PHF3: variants seen among roughly 807,000 people sequenced by gnomAD.
PHF3 encodes the protein PHD finger protein 3.
A neutral mutation model predicts 178.4 loss-of-function variants in PHF3; 41 were observed. The ratio of observed to expected loss-of-function variants is 0.23; its 90% CI spans 0.18 to 0.30. The LOEUF (loss-of-function observed/expected upper bound fraction) is 0.30. PHF3 is among the 10% of genes least tolerant of loss of function. PHF3 has a pLI of 1.00. For synonymous variants in PHF3, 842 were observed against 800.5 expected (o/e 1.05, Z -0.88); for missense variants, 2,346 against 2,398.1 (o/e 0.98, Z 0.45).
intron 2 of PHF3, among the ~76,000 whole-genome samples, chr6:63,669,450 A>G (rs1323506292): frequency 6.6e-6 from 1 of 152,218 alleles, no homozygotes; most frequent in Non-Finnish European, 1.5e-5. Context: ...TCTTTTTATA[A>G]TACCGTCTTA....
chr6:63,725,180 G>T lies in PHF3; in HGVS notation c.*11472G>T, dbSNP rs1768565351. 6.6e-6 allele frequency among the ~76,000 whole-genome samples: 1 copy of T among 152,064 alleles called. No homozygotes were observed. ...GCAGCATCAATCGTGTGAAACTAAT[G>T]AATCTCTGTAAGTAGTGTCTGATGG... On this transcript the variant is annotated 3_prime_UTR_variant, in exon 16 of 16. Coordinates refer to ENST00000262043, the MANE Select transcript of PHF3 (RefSeq NM_001370348.2).
intron 10 of PHF3, among the ~76,000 whole-genome samples, chr6:63,703,282 A>G (rs1767552957): frequency 6.6e-6 from 1 of 152,212 alleles, no homozygotes; most frequent in South Asian, 2.1e-4. Flanking sequence ...AAGTCAGTGA[A>G]GAAATAATTT....
chr6:63,720,467 T>C lies in PHF3; in HGVS notation c.*6759T>C. ...ACATTTTACAATCTTATCAAAAAGATATGTTAGCATTTAGACTATTTCAGG... is the reference window on the plus strand; with the variant it reads ...ACATTTTACAATCTTATCAAAAAGACATGTTAGCATTTAGACTATTTCAGG... On this transcript the variant is annotated 3_prime_UTR_variant, in exon 16 of 16. Transcript: ENST00000262043. 1.6e-6 allele frequency: 1 copy of C among 637,402 alleles called. No homozygotes were observed. The highest frequency in any genetic ancestry group is 2.5e-6 in the Non-Finnish European group (1 of 396,850). The allele number at this position is 637,402 out of a possible 1,614,324, so 39.5% of individuals were successfully genotyped here.
intron 13 of PHF3, among the ~76,000 whole-genome samples, chr6:63,708,484 C>T (rs1244996973): frequency 1.3e-5 from 2 of 151,368 alleles, no homozygotes; most frequent in African/African-American, 2.4e-5. Flanking sequence ...GGACTGAAAT[C>T]CCAAATCAAA....
intron 3 of PHF3, among the ~76,000 whole-genome samples, chr6:63,680,535 A>G (rs1403825030): frequency 3.4e-5 from 5 of 146,734 alleles, no homozygotes; most frequent in African/African-American, 8.0e-5. Context: ...TCTTCCTGCT[A>G]CTTGTCCCCA....
chr6:63,715,887 TACAC>T lies in PHF3; in HGVS notation c.*2181_*2184del, dbSNP rs1768174568. Among the ~76,000 whole-genome samples, 1 of 152,138 alleles carries T rather than the reference TACAC, an allele frequency of 6.6e-6. No homozygotes were observed. Among genetic ancestry groups the T allele is most frequent in the Non-Finnish European group, 1.5e-5 (1 of 68,010 alleles). On this transcript the variant is annotated 3_prime_UTR_variant, in exon 16 of 16. Transcript: ENST00000262043. ...TCTCAGTCCCAGGTACAACCAGCCT[TACAC>T]AAACTAGTGAATTACATGAATTTCA...
chr6:63,667,589 C>A (rs1163394577), intron 2 of PHF3, among the ~76,000 whole-genome samples: 1 of 152,154 alleles, frequency 6.6e-6, no homozygotes, highest in Non-Finnish European at 1.5e-5. Context: ...CATCTAATAT[C>A]CTGTCCATGT....
Position 63,712,143 on chromosome 6 carries a change from G to A in PHF3, c.4555G>A (p.Glu1519Lys). ...AGATAATGTGGAAGTAACTGATGGTGAAAACAAGGAGATAAAAGTTAAAGT... is the reference window on the plus strand; with the variant it reads ...AGATAATGTGGAAGTAACTGATGGTAAAAACAAGGAGATAAAAGTTAAAGT... ...KTDNVEVTDG[E>K]NKEIKVKVDN... Residue 1519 changes from glutamate (E) to lysine (K), a missense_variant, in exon 16 of 16, where the codon GAA becomes AAA. By Grantham distance (56) the Glu-to-Lys change is moderately conservative. This residue lies in a region of PHF3 where 839 missense variants were observed against 806.9 expected (regional missense o/e 1.04). Transcript: ENST00000262043. 4 of 1,613,296 alleles carry A rather than the reference G, an allele frequency of 2.5e-6. No individual in the cohort carries two copies. Among genetic ancestry groups the A allele is most frequent in the Non-Finnish European group, 3.4e-6 (4 of 1,179,752 alleles).
intron 2 of PHF3, among the ~76,000 whole-genome samples, chr6:63,658,708 TTGTGTGTG>T (rs3071174): frequency 0.04 from 5,876 of 145,206 alleles, 152 homozygotes; most frequent in South Asian, 0.085. Context: ...CCAATAGATT[TTGTGTGTG>T]TGTGTGTGTG....
At chr6:63,680,828 T>G (rs867695546) in intron 3 of PHF3, among the ~76,000 whole-genome samples, 1 of 152,112 alleles carries the variant, frequency 6.6e-6, no homozygotes, top group African/African-American at 2.4e-5. Flanking sequence ...TCCCCTCTTA[T>G]GTAGACAGAC....
chr6:63,639,446 A>T (rs1221305338), intron 1 of PHF3, among the ~76,000 whole-genome samples: 2 of 151,774 alleles, frequency 1.3e-5, no homozygotes, highest in African/African-American at 4.8e-5. Flanking sequence ...GTTTTTTTTT[A>T]AATGTGTAGA....
chr6:63,700,393 A>G lies in PHF3; in HGVS notation c.3026A>G (p.His1009Arg). ...KVLKGEVTPD[H>R]LIRMSPEELA... ...CTGAAAGGAGAAGTAACTCCTGATC[A>G]TCTTATCAGAATGAGTCCAGAAGAA... The change falls in exon 9 of 16, where the codon CAT becomes CGT. Residue 1009 changes from histidine (H) to arginine (R), a missense_variant. His to Arg is a conservative substitution (Grantham distance 29). Coordinates refer to ENST00000262043, the MANE Select transcript of PHF3 (RefSeq NM_001370348.2). 2 of 1,600,024 alleles carry G rather than the reference A, an allele frequency of 1.2e-6. No homozygotes were observed. Among genetic ancestry groups the G allele is most frequent in the Non-Finnish European group, 1.7e-6 (2 of 1,169,744 alleles).
intron 9 of PHF3, 48 bp downstream of exon 9, chr6:63,700,514 T>C (rs776040122): frequency 9.7e-7 from 1 of 1,033,000 alleles, no homozygotes; most frequent in Non-Finnish European, 1.5e-6. Flanking sequence ...TCTATGTTTT[T>C]CAGCCATTGG....
intron 1 of PHF3, among the ~76,000 whole-genome samples, chr6:63,642,959 TTGCAAAGGG>T (rs1764638860): frequency 6.6e-6 from 1 of 152,168 alleles, no homozygotes; most frequent in African/African-American, 2.4e-5. Flanking sequence ...TATAGAAAAG[TTGCAAAGGG>T]TGTGTAGTGT....
intron 6 of PHF3, 150 bp from the exon 7 acceptor site, chr6:63,698,073 C>A: frequency 1.7e-6 from 1 of 573,916 alleles, no homozygotes; most frequent in African/African-American, 1.9e-5. Flanking sequence ...ATTAGGATTT[C>A]AGTGTCAGGA....
intron 1 of PHF3, among the ~76,000 whole-genome samples, chr6:63,645,265 G>C (rs1423098448): frequency 1.3e-5 from 2 of 152,138 alleles, no homozygotes; most frequent in East Asian, 3.8e-4. Context: ...TAATGGGTAT[G>C]GGCTGTGGAG....
chr6:63,694,520 C>A, intron 5 of PHF3, 61 bp from the exon 6 acceptor site: 1 of 1,208,814 alleles, frequency 8.3e-7, no homozygotes, highest in South Asian at 2.1e-5. Context: ...TTTTGTACGT[C>A]TTAAAAAACA....
At chr6:63,673,550 T>G (rs938198047) in intron 2 of PHF3, among the ~76,000 whole-genome samples, 1 of 152,204 alleles carries the variant, frequency 6.6e-6, no homozygotes, top group Non-Finnish European at 1.5e-5. Flanking sequence ...CTTGTCTGTT[T>G]GTTAAGGTTA....
In PHF3 at chr6:63,722,449, T is replaced by C. The variant is rs141869813; in HGVS notation, c.*8741T>C. On this transcript the variant is annotated 3_prime_UTR_variant, in exon 16 of 16. Transcript: ENST00000262043. ...CACTAGGTTTCCCTCCATTACAGTA[T>C]ATCTCATTTTATAATTATATAGTCG... 3.8e-3 allele frequency among the ~76,000 whole-genome samples: 584 copies of C among 152,260 alleles called. 3 individuals carry two copies. Among genetic ancestry groups the C allele is most frequent in the African/African-American group, 0.012 (507 of 41,534 alleles).
Sources: allele counts gnomAD v4.1 joint callset (sites outside exome capture counted in the v4.1 genomes callset), GRCh38; gene constraint gnomAD v4.1.1; regional missense constraint gnomAD v4.1.1; transcripts MANE v1.5; gene names NCBI Gene and HGNC (gene_info 2026-07-23, HGNC 2026-07-21).